Variants in BEND5 observed in about 807,000 individuals in gnomAD.
BEND5 encodes the protein BEN domain containing 5.
A neutral mutation model predicts 43.9 loss-of-function variants in BEND5; 22 were observed. That is an observed-to-expected ratio of 0.50 (90% CI 0.36 to 0.72). BEND5 has a LOEUF of 0.72. Among genes scored for constraint, BEND5 ranks in the 30% least tolerant of loss-of-function variants. BEND5 has a pLI of 0.00. For synonymous variants in BEND5, 228 were observed against 225.9 expected (o/e 1.01, Z -0.08); for missense variants, 428 against 550.6 (o/e 0.78, Z 2.23).
At chr1:48,770,309 A>G (rs1644749131) in intron 1 of BEND5, among the ~76,000 whole-genome samples, 1 of 152,172 alleles carries the variant, frequency 6.6e-6, no homozygotes, top group African/African-American at 2.4e-5. Flanking sequence ...GGTAGCTGCT[A>G]TATAGTTAAA....
intron 5 of BEND5, among the ~76,000 whole-genome samples, chr1:48,728,668 T>C (rs1173429272): frequency 2.0e-5 from 3 of 152,206 alleles, no homozygotes; most frequent in Admixed American, 1.3e-4. Flanking sequence ...CACATGCCTC[T>C]GGGGAAGACA....
At chr1:48,763,310 C>T (rs571273613) in intron 1 of BEND5, among the ~76,000 whole-genome samples, 118 of 152,126 alleles carry the variant, frequency 7.8e-4, no homozygotes, top group Non-Finnish European at 1.2e-3. Flanking sequence ...TAAAACACAT[C>T]CAATGGGTTA....
intron 3 of BEND5, among the ~76,000 whole-genome samples, chr1:48,746,151 G>A (rs535016162): frequency 5.3e-5 from 8 of 152,274 alleles, no homozygotes; most frequent in African/African-American, 1.9e-4. Flanking sequence ...TGGCAAGACT[G>A]AGGATTAAAT....
intron 2 of BEND5, 194 bp from the exon 3 acceptor site, chr1:48,759,478 G>T: frequency 8.9e-7 from 1 of 1,127,324 alleles, no homozygotes; most frequent in Non-Finnish European, 1.2e-6. Context: ...TATAAATGGG[G>T]TTCCGAGTGG....
At chr1:48,769,175 G>A (rs1644679890) in intron 1 of BEND5, among the ~76,000 whole-genome samples, 1 of 152,196 alleles carries the variant, frequency 6.6e-6, no homozygotes, top group African/African-American at 2.4e-5. Flanking sequence ...TCTCAGCTGT[G>A]TAATGTAGGG....
chr1:48,761,230 A>G, intron 2 of BEND5, 107 bp downstream of exon 2: 3 of 1,203,838 alleles, frequency 2.5e-6, no homozygotes, highest in Non-Finnish European at 3.4e-6. Context: ...AGCCTGTGAT[A>G]CCAGGGGACA....
At chr1:48,757,127 C>G (rs932836223) in intron 3 of BEND5, among the ~76,000 whole-genome samples, 1 of 152,164 alleles carries the variant, frequency 6.6e-6, no homozygotes, top group Admixed American at 6.5e-5. Context: ...CAGGTAGTTT[C>G]CCTGGGAGTT....
intron 4 of BEND5, among the ~76,000 whole-genome samples, chr1:48,738,878 T>G (rs897178270): frequency 1.3e-5 from 2 of 152,150 alleles, no homozygotes; most frequent in Non-Finnish European, 2.9e-5. Flanking sequence ...CATAATGACC[T>G]TAAGAGATGG....
intron 3 of BEND5, among the ~76,000 whole-genome samples, chr1:48,758,136 T>C (rs1442721035): frequency 6.6e-6 from 1 of 152,236 alleles, no homozygotes; most frequent in East Asian, 1.9e-4. Context: ...TATTAAGTTC[T>C]ATGAGCAAAC....
intron 3 of BEND5, among the ~76,000 whole-genome samples, chr1:48,750,589 TC>T (rs1368573479): frequency 6.6e-6 from 1 of 152,156 alleles, no homozygotes; most frequent in African/African-American, 2.4e-5. Flanking sequence ...GACTGTGACT[TC>T]TTTAAGGTGG....
chr1:48,757,263 T>A lies in BEND5; in HGVS notation c.745+1637A>T, dbSNP rs983889141. ...TATTCACTTTAAGATTGGGAAACAT[T>A]TTTTCTCTCTGAAAATTTCAGTTAT... On this transcript the variant is annotated intron_variant, in intron 3 of 5. Transcript: ENST00000371833. Among the ~76,000 whole-genome samples the A allele has an allele frequency of 8.5e-5, 13 of 152,176 alleles. 1 individual carries two copies. Among genetic ancestry groups the A allele is most frequent in the African/African-American group, 3.1e-4 (13 of 41,438 alleles).
chr1:48,728,098 C>T, intron 5 of BEND5, 55 bp from the exon 6 acceptor site: 1 of 1,506,574 alleles, frequency 6.6e-7, no homozygotes, highest in South Asian at 1.3e-5. Flanking sequence ...AAGTAAAAAT[C>T]TTTTAAGGAG....
intron 3 of BEND5, among the ~76,000 whole-genome samples, chr1:48,753,149 A>G (rs1357760555): frequency 2.0e-5 from 3 of 152,238 alleles, no homozygotes; most frequent in Admixed American, 1.3e-4. Context: ...TGCCCGAGGC[A>G]ACAAAATTTG....
rs549736633 is a variant in BEND5, at chr1:48,748,909, A to G, written c.746-6138T>C. Among the ~76,000 whole-genome samples, 3 of 152,174 alleles carry G rather than the reference A, an allele frequency of 2.0e-5. No homozygotes were observed. In the South Asian group the frequency reaches 6.2e-4, roughly 32 times the overall value. On this transcript the variant is annotated intron_variant, in intron 3 of 5. Coordinates refer to ENST00000371833, the MANE Select transcript of BEND5 (RefSeq NM_024603.4). ...TTCGTTGGGCAGAGGCAGGAGAAAA[A>G]AATTCTAGCATGAATCCTGGATTAG...
intron 3 of BEND5, among the ~76,000 whole-genome samples, chr1:48,750,169 A>G (rs1179728235): frequency 6.6e-6 from 1 of 152,122 alleles, no homozygotes; most frequent in East Asian, 1.9e-4. Context: ...CTGTTGATTG[A>G]TTTGCCTGAC....
intron 2 of BEND5, among the ~76,000 whole-genome samples, chr1:48,760,316 G>T (rs1195498356): frequency 1.3e-5 from 2 of 152,144 alleles, no homozygotes; most frequent in Non-Finnish European, 1.5e-5. Flanking sequence ...TCTCCTGACT[G>T]GGGCATGTGT....
At position 48,727,991 on chromosome 1, in the gene BEND5, T is replaced by C; in HGVS notation, c.1161A>G (p.Ala387=). ...AQETVDETEI[A]QRLSKVNKYI... is the part of the protein sequence containing the mutation. Reference sequence around the variant, plus strand: ...ACTTGTTGACTTTGGAGAGTCTCTGTGCAATTTCAGTTTCATCCACAGTTT... The same window carrying C: ...ACTTGTTGACTTTGGAGAGTCTCTGCGCAATTTCAGTTTCATCCACAGTTT... Residue 387 remains alanine, a synonymous_variant, in exon 6 of 6, where the codon GCA becomes GCG. Coordinates refer to ENST00000371833, the MANE Select transcript of BEND5 (RefSeq NM_024603.4). The C allele has an allele frequency of 6.2e-7, 1 of 1,612,760 alleles. No homozygotes were observed. Among genetic ancestry groups the C allele is most frequent in the Non-Finnish European group, 8.5e-7 (1 of 1,179,054 alleles).
At chr1:48,746,196 T>C (rs1207852229) in intron 3 of BEND5, among the ~76,000 whole-genome samples, 1 of 152,254 alleles carries the variant, frequency 6.6e-6, no homozygotes, top group Non-Finnish European at 1.5e-5. Context: ...TATATTTATA[T>C]GAAACAATGA....
At chr1:48,741,694 C>A (rs911644111) in intron 4 of BEND5, among the ~76,000 whole-genome samples, 2 of 152,210 alleles carry the variant, frequency 1.3e-5, no homozygotes, top group African/African-American at 4.8e-5. Context: ...ATTTTTCTTT[C>A]TCATCAACCT....
Sources: allele counts gnomAD v4.1 joint callset (sites outside exome capture counted in the v4.1 genomes callset), GRCh38; gene constraint gnomAD v4.1.1; transcripts MANE v1.5; gene names NCBI Gene and HGNC (gene_info 2026-07-23, HGNC 2026-07-21).